The following KCTD1 variants were observed in gnomAD, a reference collection of about 807,000 sequenced individuals.
KCTD1 encodes potassium channel tetramerization domain containing 1, also known as BTB/POZ domain-containing protein KCTD1.
In KCTD1, 24 loss-of-function variants were observed where a neutral mutation model predicts 66.0. The observed-to-expected ratio is 0.36, with a 90% CI of 0.26 to 0.51. The LOEUF is 0.51. Ranked by LOEUF, KCTD1 falls within the 20% of genes least tolerant of loss-of-function variation. The pLI is 0.95. For missense variants in KCTD1, 943 were observed against 1,205.2 expected, an observed-to-expected ratio of 0.78 and a Z score of 3.22; for synonymous variants, 511 against 517.2, an observed-to-expected ratio of 0.99 and a Z score of 0.16.
At chr18:26,631,031 G>A (rs1987607924), upstream of KCTD1, among the ~76,000 whole-genome samples, 1 of 152,092 alleles carries the variant, frequency 6.6e-6, no homozygotes, top group South Asian at 2.1e-4. Context: ...TACTATTCTA[G>A]TTACCTGTCA....
At position 26,560,127 on chromosome 18, in the gene KCTD1, C is replaced by A. The variant is rs564872383; in HGVS notation, c.-15-58877G>T. On this transcript the variant is annotated intron_variant, in intron 1 of 4. Coordinates refer to the KCTD1 transcript ENST00000317932. ...TTAAGACAAATGTTAGCCGTTACCA[C>A]CTTCCCCCCACCAGAAAAAAAAAAA... Among the ~76,000 whole-genome samples, 4 of 137,540 alleles carry A rather than the reference C, an allele frequency of 2.9e-5. No homozygotes were observed. The East Asian group carries it at 8.1e-4, about 28-fold the overall frequency. The allele number at this position is 137,540 out of a possible 152,430, so 90.2% of individuals were successfully genotyped here. A position where few individuals can be genotyped will look rare whatever the true frequency, so the allele number is the denominator to read the frequency against.
chr18:26,522,310 G>C (rs1983950994), intron 1 of KCTD1, among the ~76,000 whole-genome samples: 1 of 152,194 alleles, frequency 6.6e-6, no homozygotes, highest in Non-Finnish European at 1.5e-5. Context: ...TGCCACGTGA[G>C]CTTCAAGGCA....
At chr18:26,514,595 G>A (rs994162699) in intron 1 of KCTD1, among the ~76,000 whole-genome samples, 13 of 151,112 alleles carry the variant, frequency 8.6e-5, no homozygotes, top group Middle Eastern at 3.4e-3. Context: ...GATGTTGGAA[G>A]GAAGTAGTGT....
intron 1 of KCTD1, among the ~76,000 whole-genome samples, chr18:26,656,066 G>A (rs1988129509): frequency 6.6e-6 from 1 of 152,172 alleles, no homozygotes; most frequent in South Asian, 2.1e-4. Flanking sequence ...TGGGGGGGCG[G>A]AGGAGGAAAG....
chr18:26,488,726 T>G (rs983237882), intron 2 of KCTD1, among the ~76,000 whole-genome samples: 1 of 152,164 alleles, frequency 6.6e-6, no homozygotes, highest in East Asian at 1.9e-4. Flanking sequence ...ATAAGAAAAG[T>G]TGCATAAGAA....
At chr18:26,512,703 G>A (rs1035015193) in intron 1 of KCTD1, among the ~76,000 whole-genome samples, 2 of 151,978 alleles carry the variant, frequency 1.3e-5, no homozygotes, top group African/African-American at 2.4e-5. Context: ...TTTTTTGGCC[G>A]CATGAGGTGG....
At chr18:26,490,737 C>T (rs1309780305) in intron 2 of KCTD1, among the ~76,000 whole-genome samples, 2 of 151,986 alleles carry the variant, frequency 1.3e-5, no homozygotes, top group Non-Finnish European at 2.9e-5. Flanking sequence ...TGTTTTAAAA[C>T]CTAGGGCATA....
chr18:26,645,600 G>A (rs1987914043), intron 1 of KCTD1, among the ~76,000 whole-genome samples: 1 of 152,052 alleles, frequency 6.6e-6, no homozygotes, highest in African/African-American at 2.4e-5. Context: ...GTCTTAATAT[G>A]GTGCCCAGAC....
intron 1 of KCTD1, among the ~76,000 whole-genome samples, chr18:26,584,615 T>C (rs1231707432): frequency 6.6e-6 from 1 of 152,134 alleles, no homozygotes; most frequent in Non-Finnish European, 1.5e-5. Flanking sequence ...TCATGACAAA[T>C]GAGACACAGT....
intron 1 of KCTD1, among the ~76,000 whole-genome samples, chr18:26,573,986 G>T (rs1383610903): frequency 6.6e-6 from 1 of 152,010 alleles, no homozygotes; most frequent in Non-Finnish European, 1.5e-5. Flanking sequence ...ACAACCAAAA[G>T]ACCCCCCAGG....
chr18:26,515,160 T>C (rs757402353), intron 1 of KCTD1, among the ~76,000 whole-genome samples: 17 of 152,174 alleles, frequency 1.1e-4, no homozygotes, highest in Non-Finnish European at 1.9e-4. Context: ...CCTATAAAAA[T>C]GGAAATGCAT....
upstream of KCTD1, among the ~76,000 whole-genome samples, chr18:26,632,471 A>T (rs1416206917): frequency 1.3e-5 from 2 of 152,244 alleles, no homozygotes; most frequent in African/African-American, 2.4e-5. Context: ...TGACTTTGTC[A>T]TGGAAGAGTT....
At chr18:26,607,454 C>T (rs796297107) in intron 1 of KCTD1, among the ~76,000 whole-genome samples, 31 of 152,310 alleles carry the variant, frequency 2.0e-4, no homozygotes, top group African/African-American at 7.5e-4. Flanking sequence ...CTATGATGTG[C>T]ACCAAAAATA....
intron 1 of KCTD1, among the ~76,000 whole-genome samples, chr18:26,648,622 T>C (rs1170953580): frequency 6.6e-6 from 1 of 152,198 alleles, no homozygotes; most frequent in African/African-American, 2.4e-5. Flanking sequence ...ACCTTTATAG[T>C]GAACGTGAAA....
intron 1 of KCTD1, among the ~76,000 whole-genome samples, chr18:26,580,520 G>A (rs996854050): frequency 5.9e-5 from 9 of 152,092 alleles, no homozygotes; most frequent in African/African-American, 2.2e-4. Flanking sequence ...CGTTGGTGTG[G>A]AGCCCAAGGA....
At chr18:26,498,448 GAC>G (rs1982591462) in intron 2 of KCTD1, among the ~76,000 whole-genome samples, 1 of 149,234 alleles carries the variant, frequency 6.7e-6, no homozygotes, top group African/African-American at 2.5e-5. Context: ...TAAACAGCAA[GAC>G]ACATGTAATT....
intron 1 of KCTD1, among the ~76,000 whole-genome samples, chr18:26,603,318 C>T (rs536810886): frequency 7.9e-5 from 12 of 151,224 alleles, no homozygotes; most frequent in South Asian, 6.3e-4. Context: ...TCTAGTCCCA[C>T]GTACTTGGGA....
chr18:26,601,515 C>G (rs1373929336), intron 1 of KCTD1, among the ~76,000 whole-genome samples: 1 of 151,974 alleles, frequency 6.6e-6, no homozygotes, highest in Non-Finnish European at 1.5e-5. Flanking sequence ...TGTGAGTATT[C>G]CAACTTTGTT....
chr18:26,548,548 T>G lies in KCTD1; in HGVS notation c.-12A>C. On this transcript the variant is annotated 5_prime_UTR_variant, in exon 1 of 5. Transcript: ENST00000580059. The stretch of plus-strand genomic sequence containing the variant: ...GGCATTCTCGCCATATTGCCGTCTC[T>G]CTGCCAGTCCTCGGGCAGGGCGCAT... 1.6e-6 allele frequency: 2 copies of G among 1,217,748 alleles called. No individual in the cohort carries two copies. The highest frequency in any genetic ancestry group is 2.0e-6 in the Non-Finnish European group (2 of 980,788). 75.4% of individuals were successfully genotyped at this position (1,217,748 alleles called of 1,614,324 possible).
Sources: allele counts gnomAD v4.1 joint callset (sites outside exome capture counted in the v4.1 genomes callset), GRCh38; gene constraint gnomAD v4.1.1; transcripts MANE v1.5; gene names NCBI Gene and HGNC (gene_info 2026-07-23, HGNC 2026-07-21).